SON: variants seen among roughly 807,000 people sequenced by gnomAD.
The protein encoded by SON is SON DNA and RNA binding protein, also known as protein SON.
SON carries 4 observed loss-of-function variants against 173.3 expected under a neutral mutation model. The observed-to-expected ratio is 0.02, with a 90% CI of 0.01 to 0.05. SON has a LOEUF of 0.05. SON is among the 10% of genes least tolerant of loss of function. The pLI is 1.00. For synonymous variants in SON, 1,190 were observed against 1,105.9 expected, an observed-to-expected ratio of 1.08 and a Z score of -1.51; for missense variants, 2,626 against 3,055.3, an observed-to-expected ratio of 0.86 and a Z score of 3.31.
At position 33,573,589 on chromosome 21, in the gene SON, A is replaced by T. The variant is rs116467679; in HGVS notation, c.7033+134A>T. The T allele has an allele frequency of 1.6e-3, 1,115 of 714,012 alleles. 9 individuals are homozygous for T. The African/African-American group carries it at 0.018, about 12-fold the overall frequency. The allele number at this position is 714,012 out of a possible 1,614,324, so 44.2% of individuals were successfully genotyped here. A position where few individuals can be genotyped will look rare whatever the true frequency, so the allele number is the denominator to read the frequency against. On this transcript the variant is annotated intron_variant, in intron 9 of 11. Transcript: ENST00000356577. ...CAGGTATTTGTCAGAAAAAACATTA[A>T]CCCCTTTTGGGGTTCACAGAGCAGC...
Position 33,554,417 on chromosome 21 carries a change from A to G in SON, c.5186A>G (p.Asn1729Ser), listed in dbSNP as rs2085907517. Reference protein sequence around the residue: ...SGFSANIEDINEADLVRPLLP... With the variant: ...SGFSANIEDISEADLVRPLLP... ...TTTTCTGCCAATATTGAGGATATTA[A>G]TGAAGCAGATTTAGTGAGACCGTTA... Residue 1729 changes from asparagine (N) to serine (S), a missense_variant, in exon 3 of 12, where the codon AAT becomes AGT. Around this residue, in one of 13 missense-constraint regions of SON, gnomAD observed 1,006 missense variants for 895.6 expected, o/e 1.12. Transcript: ENST00000356577. 3 of 1,614,230 alleles carry G rather than the reference A, an allele frequency of 1.9e-6. No individual in the cohort carries two copies. Among genetic ancestry groups the G allele is most frequent in the Non-Finnish European group, 2.5e-6 (3 of 1,180,032 alleles).
chr21:33,544,025 C>G (rs565173849), intron 1 of SON, among the ~76,000 whole-genome samples: 1 of 152,202 alleles, frequency 6.6e-6, no homozygotes, highest in East Asian at 1.9e-4. Flanking sequence ...GGTTGTCTCT[C>G]GATATTTGCT....
Position 33,559,047 on chromosome 21 carries a change from GT to G in SON, c.6322-181del, listed in dbSNP as rs2086021391. 7 of 328,048 alleles carry G rather than the reference GT, an allele frequency of 2.1e-5. No homozygotes were observed. In the South Asian group the frequency reaches 3.0e-4, roughly 14 times the overall value. 20.3% of individuals were successfully genotyped at this position (328,048 alleles called of 1,614,324 possible). A position where few individuals can be genotyped will look rare whatever the true frequency, so the allele number is the denominator to read the frequency against. ...ACATAGTAGGTGCTCAATAAATGTT[GT>G]TGACTGACTGACCAGCCAGAGTGTG... On this transcript the variant is annotated intron_variant, in intron 4 of 11. Transcript: ENST00000356577. This position sits in a 1 kb window ranked among gnomAD's most constrained non-coding sequence, Gnocchi z 4.1.
chr21:33,560,113 C>G (rs778211730), intron 6 of SON: 2 of 1,612,662 alleles, frequency 1.2e-6, no homozygotes, highest in Non-Finnish European at 1.7e-6. Flanking sequence ...GGCTCTATAG[C>G]TCTAGATTTT....
chr21:33,570,399 CAAATT>C (rs772127558), intron 8 of SON, among the ~76,000 whole-genome samples: 7 of 152,098 alleles, frequency 4.6e-5, no homozygotes, highest in Non-Finnish European at 7.3e-5. Flanking sequence ...ATCTTACTAA[CAAATT>C]AATATGAAAC....
In SON at chr21:33,559,103, G is replaced by GT. The variant is rs2086022496; in HGVS notation, c.6322-126dup. ...AATAGTAGTTAATATGCCAAGTTACGTATCTATAACCTATCATGAATCTTG... is the reference window on the plus strand; with the variant it reads ...AATAGTAGTTAATATGCCAAGTTACGTTATCTATAACCTATCATGAATCTTG... On this transcript the variant is annotated intron_variant, in intron 4 of 11. Transcript: ENST00000356577. The surrounding 1 kb of genome is among the most constrained non-coding windows in gnomAD (Gnocchi z 4.1). 1.5e-6 allele frequency: 1 copy of GT among 674,740 alleles called. No homozygotes were observed. The highest frequency in any genetic ancestry group is 3.6e-5 in the Admixed American group (1 of 27,828). The allele number at this position is 674,740 out of a possible 1,614,324, so 41.8% of individuals were successfully genotyped here.
intron 3 of SON, among the ~76,000 whole-genome samples, chr21:33,555,648 T>C (rs146541139): frequency 1.3e-3 from 194 of 152,328 alleles, no homozygotes; most frequent in Middle Eastern, 6.8e-3. Flanking sequence ...TTGTTTTAGT[T>C]ATCTTGCCAT....
chr21:33,565,316 T>C (rs370243189), intron 6 of SON, among the ~76,000 whole-genome samples: 1 of 152,346 alleles, frequency 6.6e-6, no homozygotes, highest in African/African-American at 2.4e-5. Flanking sequence ...CCTCAGATTT[T>C]AGCCTTGTTA....
At position 33,553,745 on chromosome 21, in the gene SON, T is replaced by G; in HGVS notation, c.4514T>G (p.Ile1505Ser). 6.2e-7 allele frequency: 1 copy of G among 1,613,956 alleles called. No individual in the cohort carries two copies. Among genetic ancestry groups the G allele is most frequent in the African/African-American group, 1.3e-5 (1 of 75,034 alleles). The change falls in exon 3 of 12, where the codon ATT becomes AGT. Residue 1505 changes from isoleucine to serine, a missense_variant. Around this residue, in one of 13 missense-constraint regions of SON, gnomAD observed 1,006 missense variants for 895.6 expected, o/e 1.12. Transcript: ENST00000356577. ...NLAPEIGMQEIALHSGEEPHA... is the reference protein window; with the variant it reads ...NLAPEIGMQESALHSGEEPHA... The stretch of plus-strand genomic sequence containing the variant: ...GCTCCAGAGATTGGCATGCAGGAGA[T>G]TGCATTGCATTCAGGTGAAGAACCA...
At chr21:33,561,611 T>TA (rs753628536) in intron 6 of SON, among the ~76,000 whole-genome samples, 1 of 152,184 alleles carries the variant, frequency 6.6e-6, no homozygotes, top group Non-Finnish European at 1.5e-5. Flanking sequence ...TCCTGATGCT[T>TA]ACACTTTTTT....
chr21:33,570,294 G>C (rs952511559), intron 8 of SON: 1 of 152,162 alleles, frequency 6.6e-6, no homozygotes, highest in Non-Finnish European at 1.5e-5. Context: ...GAGTGCCAGT[G>C]AATGAGCTGA....
rs1301766922 is a variant in SON at position 33,549,863 on chromosome 21, C to T, written c.632C>T (p.Thr211Ile). Residue 211 changes from threonine to isoleucine, a missense_variant, in exon 3 of 12, where the codon ACT becomes ATT. Physicochemically the swap from Thr to Ile is moderately conservative, Grantham distance 89 (BLOSUM62 -1). Coordinates refer to ENST00000356577, the MANE Select transcript of SON (RefSeq NM_138927.4). ...ILETLKPATKTAELSVVSTSV... is the reference protein window; with the variant it reads ...ILETLKPATKIAELSVVSTSV... ...GAAACTCTGAAGCCAGCTACAAAAA[C>T]TGCAGAACTGTCAGTTGTATCTACA... The T allele has an allele frequency of 6.2e-7, 1 of 1,614,242 alleles. No homozygotes were observed. The highest frequency in any genetic ancestry group is 1.7e-5 in the Admixed American group (1 of 60,038).
intron 1 of SON, among the ~76,000 whole-genome samples, chr21:33,544,102 C>G (rs772726499): frequency 1.2e-4 from 18 of 152,120 alleles, no homozygotes; most frequent in Admixed American, 2.6e-4. Context: ...GTAAGTGTTC[C>G]GAGTTCAAGT....
rs2085498646 is a variant in SON, at chr21:33,543,136, G to A, written c.44G>A (p.Ser15Asn). Reference sequence around the variant, plus strand: ...CAGATTTTTAGGTCTTTCGTGGTCAGTAAATTCCGGGAAATTCAACAGGAG... The same window carrying A: ...CAGATTTTTAGGTCTTTCGTGGTCAATAAATTCCGGGAAATTCAACAGGAG... ...IEQIFRSFVV[S>N]KFREIQQELS... is the part of the protein sequence containing the mutation. Residue 15 changes from serine (S) to asparagine (N), a missense_variant, in exon 1 of 12, where the codon AGT becomes AAT. Ser to Asn is a conservative substitution (Grantham distance 46). Coordinates refer to ENST00000356577, the MANE Select transcript of SON (RefSeq NM_138927.4). 1 of 1,614,140 alleles carries A rather than the reference G, an allele frequency of 6.2e-7. No homozygotes were observed. Among genetic ancestry groups the A allele is most frequent in the Non-Finnish European group, 8.5e-7 (1 of 1,180,042 alleles).
rs374553176 is a variant in SON at position 33,559,742 on chromosome 21, T to C, written c.6624T>C (p.Asp2208=). 557 of 1,613,910 alleles carry C rather than the reference T, an allele frequency of 3.5e-4. No homozygotes were observed. The highest frequency in any genetic ancestry group is 4.5e-4 in the Non-Finnish European group (530 of 1,179,980). Reference sequence around the variant, plus strand: ...AAAATGGTGAAGAAAACAAAGATGATGATAATGTTTTCAGCAGCAATTTGC... The same window carrying C: ...AAAATGGTGAAGAAAACAAAGATGACGATAATGTTTTCAGCAGCAATTTGC... ...VEKNGEENKD[D]DNVFSSNLPS... The change falls in exon 6 of 12, where the codon GAT becomes GAC. Residue 2208 remains aspartate, a synonymous_variant. Transcript: ENST00000356577. The surrounding 1 kb of genome is among the most constrained non-coding windows in gnomAD (Gnocchi z 4.1).
At position 33,559,322 on chromosome 21, in the gene SON, T is replaced by C; in HGVS notation, c.6414T>C (p.Phe2138=). ...VSDEEEEEPP[F]YHHPFKLSEP... is the part of the protein sequence containing the mutation. ...ATGAAGAGGAAGAAGAACCTCCTTT[T>C]TATCATCATCCCTTTAAACTCAGTG... The change falls in exon 5 of 12, where the codon TTT becomes TTC. Residue 2138 remains phenylalanine, a synonymous_variant. Coordinates refer to ENST00000356577, the MANE Select transcript of SON (RefSeq NM_138927.4). This position sits in a 1 kb window ranked among gnomAD's most constrained non-coding sequence, Gnocchi z 4.1. The C allele has an allele frequency of 6.2e-7, 1 of 1,613,146 alleles. No homozygotes were observed. The highest frequency in any genetic ancestry group is 8.5e-7 in the Non-Finnish European group (1 of 1,179,528).
At chr21:33,564,861 C>CAA (rs60295815) in intron 6 of SON, among the ~76,000 whole-genome samples, 2,598 of 97,888 alleles carry the variant, frequency 0.027, 110 homozygotes, top group African/African-American at 0.073. Context: ...AACTCCATCT[C>CAA]AAAAAAAAAA....
intron 1 of SON, 43 bp downstream of exon 1, chr21:33,543,212 G>A (rs368336886): frequency 5.5e-5 from 84 of 1,521,964 alleles, no homozygotes; most frequent in Non-Finnish European, 7.1e-5. Flanking sequence ...GGACCGTTAG[G>A]CCCTCACCTA....
At chr21:33,545,347 G>T (rs2085589994) in intron 1 of SON, among the ~76,000 whole-genome samples, 1 of 152,076 alleles carries the variant, frequency 6.6e-6, no homozygotes, top group South Asian at 2.1e-4. Context: ...GGTAACTACT[G>T]AATTTTTTTT....
Sources: gnomAD v4.1 joint callset for allele counts (sites outside exome capture counted in the v4.1 genomes callset) on GRCh38, gnomAD v4.1.1 for gene constraint, gnomAD v4.1.1 regional missense constraint, Gnocchi (gnomAD v3.1) non-coding constraint, MANE v1.5 for transcripts, NCBI Gene and HGNC (gene_info 2026-07-23, HGNC 2026-07-21) for gene names.